STX18: variants seen among roughly 807,000 people sequenced by gnomAD.
STX18 encodes syntaxin-18.
A neutral mutation model predicts 50.1 loss-of-function variants in STX18; 40 were observed. The ratio of observed to expected loss-of-function variants is 0.80; its 90% CI spans 0.62 to 1.04. STX18 has a LOEUF of 1.04. Among genes scored for constraint, STX18 ranks in the 50% least tolerant of loss-of-function variants. STX18 has a pLI of 0.00. For synonymous variants in STX18, 158 were observed against 151.8 expected (o/e 1.04, Z -0.30); for missense variants, 410 against 415.8 (o/e 0.99, Z 0.12).
At chr4:4,447,365 G>A (rs1376764182) in intron 5 of STX18, among the ~76,000 whole-genome samples, 1 of 151,298 alleles carries the variant, frequency 6.6e-6, no homozygotes, top group African/African-American at 2.4e-5. Flanking sequence ...CGAGGCGGGC[G>A]GATCACGAGG....
rs1240784705 is a variant in STX18 at position 4,537,924 on chromosome 4, T to C, written c.168+3873A>G. 4.6e-5 allele frequency among the ~76,000 whole-genome samples: 7 copies of C among 152,154 alleles called. No homozygotes were observed. The East Asian group carries it at 1.4e-3, about 29-fold the overall frequency. ...AACCAAACAAATTCTGGTTTAAAAA[T>C]TACAGGAGAATGTAGTGGGCAGAGG... On this transcript the variant is annotated intron_variant, in intron 1 of 10. Transcript: ENST00000306200.
At chr4:4,479,196 C>T (rs1423834187) in intron 1 of STX18, among the ~76,000 whole-genome samples, 1 of 152,192 alleles carries the variant, frequency 6.6e-6, no homozygotes, top group Non-Finnish European at 1.5e-5. Context: ...ATCCGATTTG[C>T]TTCTCCTAAC....
At chr4:4,449,693 T>A (rs1456489871) in intron 5 of STX18, among the ~76,000 whole-genome samples, 1 of 152,232 alleles carries the variant, frequency 6.6e-6, no homozygotes, top group Non-Finnish European at 1.5e-5. Context: ...TTCCCCACTG[T>A]CAAGTTATTC....
intron 1 of STX18, among the ~76,000 whole-genome samples, chr4:4,540,472 C>T (rs142692034): frequency 2.0e-5 from 3 of 152,338 alleles, no homozygotes; most frequent in African/African-American, 7.2e-5. Flanking sequence ...TTCTCTTAGC[C>T]TGAGATGTCC....
intron 1 of STX18, among the ~76,000 whole-genome samples, chr4:4,519,935 T>C (rs889138819): frequency 1.6e-4 from 25 of 152,198 alleles, no homozygotes; most frequent in African/African-American, 6.0e-4. Flanking sequence ...CAAGCCAAAA[T>C]ATCTATAAAA....
chr4:4,497,664 T>C lies in STX18; in HGVS notation c.169-25958A>G, dbSNP rs559904886. Among the ~76,000 whole-genome samples the C allele has an allele frequency of 9.2e-5, 14 of 152,320 alleles. No individual in the cohort carries two copies. The South Asian group carries it at 2.5e-3, about 27-fold the overall frequency. ...ACTGTGCTCAATATCCCTCAGCTAG[T>C]ACATAGCAGAACTGGATTAAAACCC... On this transcript the variant is annotated intron_variant, in intron 1 of 10. Coordinates refer to ENST00000306200, the MANE Select transcript of STX18 (RefSeq NM_016930.4).
chr4:4,518,015 C>T (rs541480995), intron 1 of STX18, among the ~76,000 whole-genome samples: 2 of 152,238 alleles, frequency 1.3e-5, no homozygotes, highest in Admixed American at 6.5e-5. Context: ...CCTTGTGATC[C>T]GCCTGCCTTG....
chr4:4,442,449 T>C (rs1726164892), intron 5 of STX18, among the ~76,000 whole-genome samples: 1 of 152,072 alleles, frequency 6.6e-6, no homozygotes. Flanking sequence ...AAAGCCTGTC[T>C]CTACTAAAAA....
chr4:4,512,950 G>A (rs1730068713), intron 1 of STX18, among the ~76,000 whole-genome samples: 1 of 152,158 alleles, frequency 6.6e-6, no homozygotes, highest in South Asian at 2.1e-4. Context: ...CCATTGCTCA[G>A]TTTGTGGGCT....
At chr4:4,421,446 G>T (rs1724959914) in intron 9 of STX18, among the ~76,000 whole-genome samples, 1 of 152,018 alleles carries the variant, frequency 6.6e-6, no homozygotes. Context: ...AGAGATGGGG[G>T]GTCTCCCTAT....
At chr4:4,540,125 A>T (rs1406260516) in intron 1 of STX18, among the ~76,000 whole-genome samples, 1 of 152,164 alleles carries the variant, frequency 6.6e-6, no homozygotes, top group Non-Finnish European at 1.5e-5. Context: ...TTACATATAG[A>T]GGACCAAGGT....
At chr4:4,484,098 G>A (rs897548243) in intron 1 of STX18, among the ~76,000 whole-genome samples, 24 of 152,058 alleles carry the variant, frequency 1.6e-4, no homozygotes, top group African/African-American at 2.9e-4. Flanking sequence ...TCCTGACCTC[G>A]TGATCCGCCC....
chr4:4,427,718 GC>G (rs1010498958), intron 7 of STX18, among the ~76,000 whole-genome samples: 5 of 152,202 alleles, frequency 3.3e-5, no homozygotes, highest in Non-Finnish European at 7.3e-5. Flanking sequence ...CAATTTGAGG[GC>G]CTGTGGTATA....
At chr4:4,525,068 T>C (rs1405251576) in intron 1 of STX18, among the ~76,000 whole-genome samples, 1 of 152,202 alleles carries the variant, frequency 6.6e-6, no homozygotes, top group Non-Finnish European at 1.5e-5. Context: ...CAGGCCCACA[T>C]AGGGGTATCC....
rs369540451 is a variant in STX18, at chr4:4,438,482, T to G, written c.525A>C (p.Thr175=). The change falls in exon 6 of 11, where the codon ACA becomes ACC. Residue 175 remains threonine (T), a synonymous_variant. Coordinates refer to ENST00000306200, the MANE Select transcript of STX18 (RefSeq NM_016930.4). ...RLSKLEPEPN[T]KTRESTSSEK... ...CAGAAGATGTGGATTCTCTTGTCTT[T>G]GTATTTGGTTCTGGTTCCAGCTTAG... 22 of 1,613,602 alleles carry G rather than the reference T, an allele frequency of 1.4e-5. No individual in the cohort carries two copies. The highest frequency in any genetic ancestry group is 6.7e-5 in the Admixed American group (4 of 59,954).
chr4:4,464,966 T>C (rs913257717), intron 2 of STX18, among the ~76,000 whole-genome samples: 4 of 152,140 alleles, frequency 2.6e-5, no homozygotes, highest in African/African-American at 9.7e-5. Flanking sequence ...ATTTCTTGTC[T>C]TCTGCTAGCT....
At chr4:4,523,129 C>A (rs1276516941) in intron 1 of STX18, among the ~76,000 whole-genome samples, 1 of 152,184 alleles carries the variant, frequency 6.6e-6, no homozygotes, top group African/African-American at 2.4e-5. Flanking sequence ...GGTGGTAGAG[C>A]CCAGAGTCCA....
chr4:4,431,579 G>A (rs1725520173), intron 7 of STX18, among the ~76,000 whole-genome samples: 1 of 152,124 alleles, frequency 6.6e-6, no homozygotes, highest in African/African-American at 2.4e-5. Context: ...AACATCAGCT[G>A]TAAGATGTCT....
At chr4:4,425,054 C>G in intron 8 of STX18, 110 bp downstream of exon 8, 5 of 998,842 alleles carry the variant, frequency 5.0e-6, no homozygotes, top group Non-Finnish European at 7.8e-6. Context: ...GGGGGCTGCA[C>G]CAGCCCAAGG....
Sources: gnomAD v4.1 joint callset for allele counts (sites outside exome capture counted in the v4.1 genomes callset) on GRCh38, gnomAD v4.1.1 for gene constraint, MANE v1.5 for transcripts, NCBI Gene and HGNC (gene_info 2026-07-23, HGNC 2026-07-21) for gene names.